Variants in EML6 observed in about 807,000 individuals in gnomAD.
EML6 encodes the protein EMAP like 6.
Under a neutral mutation model 240.1 loss-of-function variants are expected in EML6, and 154 were observed. The ratio of observed to expected loss-of-function variants is 0.64; its 90% CI spans 0.56 to 0.73. The LOEUF (loss-of-function observed/expected upper bound fraction) is 0.73. EML6 is among the 30% of genes least tolerant of loss of function. The pLI is 0.00. For synonymous variants in EML6, 1,148 were observed against 899.0 expected, an observed-to-expected ratio of 1.28 and a Z score of -4.95; for missense variants, 2,964 against 2,474.6, an observed-to-expected ratio of 1.20 and a Z score of -4.20.
At chr2:54,847,039 C>A (rs577982170) in intron 8 of EML6, among the ~76,000 whole-genome samples, 1 of 151,228 alleles carries the variant, frequency 6.6e-6, no homozygotes, top group East Asian at 2.0e-4. Flanking sequence ...CCCCAAGTAG[C>A]TGGGGCTACA....
chr2:54,744,707 C>T (rs921135064), intron 2 of EML6, among the ~76,000 whole-genome samples: 2 of 151,322 alleles, frequency 1.3e-5, no homozygotes, highest in Non-Finnish European at 2.9e-5. Flanking sequence ...AGAGAGGGAC[C>T]GAGGAGGAGG....
chr2:54,765,682 G>A (rs746489864), intron 2 of EML6, among the ~76,000 whole-genome samples: 2 of 152,088 alleles, frequency 1.3e-5, no homozygotes, highest in Non-Finnish European at 2.9e-5. Context: ...GGATGGTCTC[G>A]ATCTCCTGAC....
intron 2 of EML6, among the ~76,000 whole-genome samples, chr2:54,790,236 G>A (rs555291421): frequency 2.0e-5 from 3 of 152,282 alleles, no homozygotes; most frequent in African/African-American, 7.2e-5. Context: ...CTTGCTGTGT[G>A]TATGGTGACA....
At chr2:54,951,198 T>G (rs564900480) in intron 30 of EML6, among the ~76,000 whole-genome samples, 1 of 152,308 alleles carries the variant, frequency 6.6e-6, no homozygotes, top group South Asian at 2.1e-4. Context: ...TTTGACAGTT[T>G]AGCCACATTT....
chr2:54,939,116 C>A (rs1437918145), intron 28 of EML6, among the ~76,000 whole-genome samples: 1 of 152,238 alleles, frequency 6.6e-6, no homozygotes, highest in Non-Finnish European at 1.5e-5. Context: ...GATTCATTTT[C>A]ATTCTAGCCC....
chr2:54,827,640 C>T lies in EML6; in HGVS notation c.600C>T (p.Ile200=), dbSNP rs961071125. The T allele has an allele frequency of 2.6e-6, 4 of 1,551,650 alleles. No individual in the cohort carries two copies. The South Asian group carries it at 3.6e-5, about 14-fold the overall frequency. ...IFGKTGDLQT[I]LCLACAKEDI... ...GCAAAACAGGGGATCTTCAGACCAT[C>T]CTTTGCCTTGCATGTGCCAAAGAAG... The change falls in exon 6 of 42, where the codon ATC becomes ATT. Residue 200 remains isoleucine, a synonymous_variant. Coordinates refer to ENST00000356458, the MANE Select transcript of EML6 (RefSeq NM_001039753.4).
chr2:54,953,594 A>C (rs1343789691), intron 31 of EML6, among the ~76,000 whole-genome samples: 1 of 152,154 alleles, frequency 6.6e-6, no homozygotes, highest in African/African-American at 2.4e-5. Flanking sequence ...CATTTGTCTT[A>C]AAAAAGGCTT....
chr2:54,962,832 C>T (rs1007623329), intron 36 of EML6, 121 bp downstream of exon 36: 1 of 708,584 alleles, frequency 1.4e-6, no homozygotes, highest in Non-Finnish European at 2.1e-6. Flanking sequence ...GGTAGGAGAT[C>T]GAGTTAGAAA....
chr2:54,825,318 T>C (rs1237282252), intron 5 of EML6, among the ~76,000 whole-genome samples: 1 of 152,252 alleles, frequency 6.6e-6, no homozygotes, highest in Non-Finnish European at 1.5e-5. Context: ...TTTGTTCAGG[T>C]TCATAGTAAC....
chr2:54,827,456 C>G, intron 5 of EML6, 110 bp from the exon 6 acceptor site: 1 of 865,808 alleles, frequency 1.2e-6, no homozygotes, highest in Non-Finnish European at 1.8e-6. Flanking sequence ...TTATTTGTGC[C>G]TAGCTTGGAT....
chr2:54,919,809 T>A (rs1199166978), intron 26 of EML6, among the ~76,000 whole-genome samples: 1 of 152,220 alleles, frequency 6.6e-6, no homozygotes, highest in East Asian at 1.9e-4. Context: ...TTTCAAGTTG[T>A]GTTCCTCAGA....
intron 2 of EML6, among the ~76,000 whole-genome samples, chr2:54,812,798 A>T (rs990012127): frequency 6.6e-6 from 1 of 152,218 alleles, no homozygotes; most frequent in Admixed American, 6.5e-5. Flanking sequence ...GATAGTATCT[A>T]GTGCTTCTGC....
At chr2:54,737,698 T>C (rs1295118348) in intron 2 of EML6, among the ~76,000 whole-genome samples, 1 of 152,236 alleles carries the variant, frequency 6.6e-6, no homozygotes, top group Non-Finnish European at 1.5e-5. Context: ...GCCAGAGTTA[T>C]CTGGTTACAA....
At chr2:54,758,064 T>C (rs1160126657) in intron 2 of EML6, among the ~76,000 whole-genome samples, 2 of 152,182 alleles carry the variant, frequency 1.3e-5, no homozygotes, top group African/African-American at 2.4e-5. Flanking sequence ...GTCACCGTAA[T>C]TTTCATTTCT....
Position 54,964,072 on chromosome 2 carries a change from G to A in EML6, c.5244G>A (p.Lys1748=), listed in dbSNP as rs368896530. ...PDGEMVAIGM[K]NGEFVILLVN... ...GGGAGATGGTGGCCATTGGCATGAAGAATGGAGAGTTTGTCATCTTGTTGG... is the reference window on the plus strand; with the variant it reads ...GGGAGATGGTGGCCATTGGCATGAAAAATGGAGAGTTTGTCATCTTGTTGG... The change falls in exon 37 of 42, where the codon AAG becomes AAA. Residue 1748 remains lysine, a synonymous_variant. Transcript: ENST00000356458. 7.7e-6 allele frequency: 12 copies of A among 1,551,658 alleles called. No homozygotes were observed. The highest frequency in any genetic ancestry group is 9.6e-6 in the Non-Finnish European group (11 of 1,147,018).
chr2:54,891,157 A>G lies in EML6; in HGVS notation c.2539+3A>G, dbSNP rs780877122. 1 of 1,433,980 alleles carries G rather than the reference A, an allele frequency of 7.0e-7. No homozygotes were observed. 88.8% of individuals were successfully genotyped at this position (1,433,980 alleles called of 1,614,324 possible). A position where few individuals can be genotyped will look rare whatever the true frequency, so the allele number is the denominator to read the frequency against. On this transcript the variant is annotated splice_donor_region_variant and intron_variant, in intron 18 of 41. Coordinates refer to ENST00000356458, the MANE Select transcript of EML6 (RefSeq NM_001039753.4). Reference sequence around the variant, plus strand: ...CATCAAATTCTGGCAACAAGCAGGTACTGTCGTTTGGGTTTATCATTTATG... The same window carrying G: ...CATCAAATTCTGGCAACAAGCAGGTGCTGTCGTTTGGGTTTATCATTTATG...
Position 54,897,568 on chromosome 2 carries a change from C to T in EML6, c.2983-2073C>T, listed in dbSNP as rs533234677. Reference sequence around the variant, plus strand: ...CTTGTTCACCTCACCAGGCTGTTCCCCACATCTCTTAGCTTGGACACTTCA... The same window carrying T: ...CTTGTTCACCTCACCAGGCTGTTCCTCACATCTCTTAGCTTGGACACTTCA... On this transcript the variant is annotated intron_variant, in intron 21 of 41. Coordinates refer to ENST00000356458, the MANE Select transcript of EML6 (RefSeq NM_001039753.4). 2.0e-5 allele frequency among the ~76,000 whole-genome samples: 3 copies of T among 152,336 alleles called. No homozygotes were observed. In the East Asian group the frequency reaches 5.8e-4, roughly 29 times the overall value.
At chr2:54,805,551 T>A (rs1670423632) in intron 2 of EML6, among the ~76,000 whole-genome samples, 1 of 152,218 alleles carries the variant, frequency 6.6e-6, no homozygotes, top group African/African-American at 2.4e-5. Flanking sequence ...CTTATTAAAT[T>A]ATAAGCATTT....
intron 4 of EML6, 60 bp from the exon 5 acceptor site, chr2:54,820,334 T>C: frequency 1.9e-6 from 2 of 1,078,314 alleles, no homozygotes; most frequent in East Asian, 5.2e-5. Flanking sequence ...TGGACTAGTA[T>C]TGGGAAAAGG....
Sources: gnomAD v4.1 joint callset for allele counts (sites outside exome capture counted in the v4.1 genomes callset) on GRCh38, gnomAD v4.1.1 for gene constraint, MANE v1.5 for transcripts, NCBI Gene and HGNC (gene_info 2026-07-23, HGNC 2026-07-21) for gene names.